Variants in CTNNA3 observed in about 807,000 individuals in gnomAD.
CTNNA3 encodes catenin alpha 3.
A neutral mutation model predicts 95.7 loss-of-function variants in CTNNA3; 76 were observed. The ratio of observed to expected loss-of-function variants is 0.79; its 90% CI spans 0.66 to 0.96. The LOEUF is 0.96. CTNNA3 is among the 40% of genes least tolerant of loss of function. The pLI is 0.00. For missense variants in CTNNA3, 1,191 were observed against 1,089.8 expected, an observed-to-expected ratio of 1.09 and a Z score of -1.31; for synonymous variants, 431 against 374.4, an observed-to-expected ratio of 1.15 and a Z score of -1.74.
At chr10:66,025,351 AG>A (rs1180586893) in intron 15 of CTNNA3, among the ~76,000 whole-genome samples, 1 of 152,226 alleles carries the variant, frequency 6.6e-6, no homozygotes, top group Admixed American at 6.5e-5. Context: ...TGTGGATCAC[AG>A]GGGAAGCTTG....
chr10:66,850,849 G>A (rs1419130608), intron 7 of CTNNA3, among the ~76,000 whole-genome samples: 1 of 152,012 alleles, frequency 6.6e-6, no homozygotes, highest in Non-Finnish European at 1.5e-5. Flanking sequence ...TCTATCTTCT[G>A]CCTCCAAATG....
intron 7 of CTNNA3, among the ~76,000 whole-genome samples, chr10:67,024,297 T>C (rs1853213523): frequency 6.6e-6 from 1 of 152,238 alleles, no homozygotes; most frequent in African/African-American, 2.4e-5. Context: ...CTGACTTTAC[T>C]GCTTCTGTCT....
At chr10:67,735,218 C>A (rs2133635653) in intron 1 of CTNNA3, among the ~76,000 whole-genome samples, 1 of 151,482 alleles carries the variant, frequency 6.6e-6, no homozygotes, top group South Asian at 2.1e-4. Context: ...TATAGAGCAT[C>A]CTTTGAGAAA....
intron 7 of CTNNA3, chr10:67,012,455 G>A (rs936982580): frequency 1.3e-5 from 2 of 152,120 alleles, no homozygotes; most frequent in African/African-American, 4.8e-5. Context: ...ACAATTGTGA[G>A]GAAATTATAA....
intron 12 of CTNNA3, among the ~76,000 whole-genome samples, chr10:66,291,647 A>G (rs1048338970): frequency 1.3e-5 from 2 of 152,050 alleles, no homozygotes; most frequent in Admixed American, 1.3e-4. Flanking sequence ...AAGGAATTTT[A>G]TTGTAATAGT....
intron 5 of CTNNA3, among the ~76,000 whole-genome samples, chr10:67,505,523 A>G (rs1483801370): frequency 6.6e-6 from 1 of 152,240 alleles, no homozygotes; most frequent in African/African-American, 2.4e-5. Flanking sequence ...GATAAATACC[A>G]ACATCAAAAT....
chr10:67,438,799 T>C (rs1043737461), intron 5 of CTNNA3, among the ~76,000 whole-genome samples: 4 of 152,170 alleles, frequency 2.6e-5, no homozygotes, highest in African/African-American at 7.2e-5. Flanking sequence ...ACTTATGCCC[T>C]GTCACAGCAG....
chr10:66,451,402 T>A (rs1048908470), intron 11 of CTNNA3, among the ~76,000 whole-genome samples: 1 of 151,896 alleles, frequency 6.6e-6, no homozygotes. Context: ...GACAGACAAA[T>A]GAATATAACA....
chr10:66,167,244 C>A (rs994501019), intron 13 of CTNNA3, among the ~76,000 whole-genome samples: 30 of 151,896 alleles, frequency 2.0e-4, no homozygotes, highest in African/African-American at 7.0e-4. Context: ...CACCTTTCTG[C>A]CAACAATTAT....
At chr10:66,513,158 T>C (rs541618069) in intron 11 of CTNNA3, among the ~76,000 whole-genome samples, 4 of 152,320 alleles carry the variant, frequency 2.6e-5, no homozygotes, top group Non-Finnish European at 5.9e-5. Context: ...TTTGTTTGCA[T>C]AGTGATATCC....
chr10:66,878,653 T>G (rs1271901084), intron 7 of CTNNA3, among the ~76,000 whole-genome samples: 1 of 152,110 alleles, frequency 6.6e-6, no homozygotes, highest in Non-Finnish European at 1.5e-5. Context: ...GGTCGTCACA[T>G]CACAGTCTCC....
chr10:66,408,184 T>C (rs184695101), intron 11 of CTNNA3, among the ~76,000 whole-genome samples: 62 of 152,326 alleles, frequency 4.1e-4, no homozygotes, highest in African/African-American at 1.2e-3. Context: ...GTTTTGCTTT[T>C]TGAAAATTTG....
chr10:66,266,547 A>G (rs2091163917), intron 13 of CTNNA3, among the ~76,000 whole-genome samples: 1 of 152,082 alleles, frequency 6.6e-6, no homozygotes, highest in South Asian at 2.1e-4. Flanking sequence ...TAACACCAAC[A>G]TTTTCCGTAA....
intron 7 of CTNNA3, among the ~76,000 whole-genome samples, chr10:67,016,755 G>A (rs1246440748): frequency 6.6e-6 from 1 of 152,034 alleles, no homozygotes; most frequent in Non-Finnish European, 1.5e-5. Flanking sequence ...TTGTATCATT[G>A]CAGTTGTGAG....
chr10:67,762,894 T>C (rs1171230252), intron 1 of CTNNA3, among the ~76,000 whole-genome samples: 1 of 152,148 alleles, frequency 6.6e-6, no homozygotes, highest in Admixed American at 6.5e-5. Flanking sequence ...ACGTACTCCC[T>C]GCTTGCCCAA....
intron 7 of CTNNA3, among the ~76,000 whole-genome samples, chr10:66,842,077 G>A (rs763031619): frequency 4.0e-5 from 6 of 151,836 alleles, no homozygotes; most frequent in South Asian, 2.1e-4. Flanking sequence ...ACCACAGCAC[G>A]CACACCAAAC....
At chr10:67,700,283 G>A (rs189757023), upstream of CTNNA3, among the ~76,000 whole-genome samples, 41 of 152,302 alleles carry the variant, frequency 2.7e-4, no homozygotes, top group Admixed American at 5.2e-4. Context: ...GGTTCTCCCA[G>A]CACGCAGCTG....
At chr10:67,487,902 A>G (rs1364639909) in intron 5 of CTNNA3, among the ~76,000 whole-genome samples, 4 of 152,348 alleles carry the variant, frequency 2.6e-5, no homozygotes, top group Non-Finnish European at 5.9e-5. Context: ...TGTTGCTCTC[A>G]GAGTTCTATG....
At chr10:66,367,084 C>G (rs2092715588) in intron 12 of CTNNA3, among the ~76,000 whole-genome samples, 2 of 152,096 alleles carry the variant, frequency 1.3e-5, no homozygotes, top group Admixed American at 1.3e-4. Flanking sequence ...ACCTAGAGTC[C>G]CTTCTCAGTC....
Sources: allele counts gnomAD v4.1 joint callset (sites outside exome capture counted in the v4.1 genomes callset), GRCh38; gene constraint gnomAD v4.1.1; transcripts MANE v1.5; gene names NCBI Gene and HGNC (gene_info 2026-07-23, HGNC 2026-07-21).